The following EYA2 variants were observed in gnomAD, a reference collection of about 807,000 sequenced individuals.
The protein encoded by EYA2 is EYA transcriptional coactivator and phosphatase 2.
EYA2 carries 31 observed loss-of-function variants against 69.2 expected under a neutral mutation model. The ratio of observed to expected loss-of-function variants is 0.45; its 90% CI spans 0.34 to 0.60. The LOEUF is 0.60. Among genes scored for constraint, EYA2 ranks in the 20% least tolerant of loss-of-function variants. The pLI is 0.02. For missense variants in EYA2, 622 were observed against 701.2 expected, an observed-to-expected ratio of 0.89 and a Z score of 1.28; for synonymous variants, 257 against 279.4, an observed-to-expected ratio of 0.92 and a Z score of 0.80.
At chr20:47,106,993 G>C (rs2032601298) in intron 9 of EYA2, among the ~76,000 whole-genome samples, 2 of 152,082 alleles carry the variant, frequency 1.3e-5, no homozygotes, top group African/African-American at 4.8e-5. Context: ...CAGTTGTCAC[G>C]GTGATGGGAG....
intron 5 of EYA2, among the ~76,000 whole-genome samples, chr20:47,061,337 G>A (rs745382767): frequency 5.3e-5 from 8 of 152,028 alleles, no homozygotes; most frequent in South Asian, 2.1e-4. Flanking sequence ...CACCAGCCTC[G>A]GCAATATAGC....
chr20:46,952,452 A>G (rs1300187984), intron 1 of EYA2, among the ~76,000 whole-genome samples: 1 of 152,194 alleles, frequency 6.6e-6, no homozygotes, highest in Non-Finnish European at 1.5e-5. Context: ...TGATGAATCA[A>G]TAGCTTTGGC....
At chr20:47,046,172 AAGAAG>A (rs2030026052) in intron 5 of EYA2, among the ~76,000 whole-genome samples, 1 of 152,198 alleles carries the variant, frequency 6.6e-6, no homozygotes, top group Non-Finnish European at 1.5e-5. Context: ...ACATGGCAGA[AAGAAG>A]AGAGCTTTCT....
intron 5 of EYA2, among the ~76,000 whole-genome samples, chr20:47,063,386 C>CGTATGCGT (rs2030974252): frequency 1.1e-5 from 1 of 93,566 alleles, no homozygotes; most frequent in Admixed American, 1.2e-4. Flanking sequence ...TGTGTGTGTG[C>CGTATGCGT]GTGTGCGTGT....
intron 1 of EYA2, among the ~76,000 whole-genome samples, chr20:46,973,917 A>G (rs770283494): frequency 5.9e-5 from 9 of 152,198 alleles, no homozygotes; most frequent in Non-Finnish European, 1.2e-4. Flanking sequence ...ATTTCGGGGT[A>G]ATGATGTAAT....
chr20:47,160,075 T>C (rs2146630810), intron 10 of EYA2, among the ~76,000 whole-genome samples: 1 of 152,190 alleles, frequency 6.6e-6, no homozygotes, highest in Admixed American at 6.5e-5. Flanking sequence ...AGGGAGGTGA[T>C]ATCCATTGTG....
intron 1 of EYA2, among the ~76,000 whole-genome samples, chr20:46,957,243 T>G (rs1979181688): frequency 6.6e-6 from 1 of 152,220 alleles, no homozygotes; most frequent in Non-Finnish European, 1.5e-5. Context: ...ACTGTACCCC[T>G]TCCTCCTTCT....
intron 5 of EYA2, among the ~76,000 whole-genome samples, chr20:47,063,525 C>T (rs1303529093): frequency 6.6e-6 from 1 of 151,928 alleles, no homozygotes; most frequent in Non-Finnish European, 1.5e-5. Context: ...AGGAAAACCC[C>T]ACCTCTGCAC....
At chr20:47,135,845 ACAAAC>A (rs1568800695) in intron 9 of EYA2, among the ~76,000 whole-genome samples, 2,494 of 78,318 alleles carry the variant, frequency 0.032, 307 homozygotes, top group African/African-American at 0.18. Context: ...AAAAAAACAA[ACAAAC>A]AAACAAAAAA....
At chr20:47,161,228 C>G in intron 10 of EYA2, 4 of 505,466 alleles carry the variant, frequency 7.9e-6, no homozygotes, top group South Asian at 1.8e-5. Context: ...CCAGTAGCCT[C>G]TGCACATGGG....
At chr20:46,897,475 C>T (rs772783245) in intron 1 of EYA2, among the ~76,000 whole-genome samples, 2 of 152,208 alleles carry the variant, frequency 1.3e-5, no homozygotes, top group Non-Finnish European at 1.5e-5. Flanking sequence ...AGACAACTTG[C>T]ATCGGGCGCA....
At chr20:47,010,698 CAAATAT>C (rs940314397) in intron 4 of EYA2, among the ~76,000 whole-genome samples, 15 of 149,284 alleles carry the variant, frequency 1.0e-4, no homozygotes, top group Admixed American at 4.0e-4. Flanking sequence ...TGTATGTGTA[CAAATAT>C]AAATATAATA....
chr20:47,180,596 G>A (rs2034519585), intron 13 of EYA2, among the ~76,000 whole-genome samples: 2 of 152,118 alleles, frequency 1.3e-5, no homozygotes, highest in Admixed American at 6.5e-5. Context: ...TTTTATATAA[G>A]AAAAGTATTC....
chr20:47,116,906 C>T (rs2032909316), intron 9 of EYA2, among the ~76,000 whole-genome samples: 1 of 152,038 alleles, frequency 6.6e-6, no homozygotes, highest in African/African-American at 2.4e-5. Flanking sequence ...AGTCTCCTGG[C>T]TACTGAAGGG....
At chr20:47,047,885 C>T (rs866236134) in intron 5 of EYA2, among the ~76,000 whole-genome samples, 37 of 152,124 alleles carry the variant, frequency 2.4e-4, no homozygotes, top group Middle Eastern at 6.8e-3. Context: ...CCCTGCTGCC[C>T]GCATTCCTTG....
chr20:47,169,488 A>C (rs1476356157), intron 11 of EYA2, among the ~76,000 whole-genome samples: 2 of 152,154 alleles, frequency 1.3e-5, no homozygotes, highest in African/African-American at 4.8e-5. Flanking sequence ...CTCTACTATA[A>C]TAAATAAATG....
intron 5 of EYA2, among the ~76,000 whole-genome samples, chr20:47,067,609 TAAAAA>T (rs997005286): frequency 2.0e-5 from 3 of 151,826 alleles, no homozygotes; most frequent in African/African-American, 7.3e-5. Context: ...ATTTTTAAAT[TAAAAA>T]AAAATTTAAT....
intron 5 of EYA2, among the ~76,000 whole-genome samples, chr20:47,050,944 G>A (rs1201262449): frequency 2.0e-5 from 3 of 152,248 alleles, no homozygotes. Flanking sequence ...GTGATCTTAC[G>A]AGGCATTCGA....
intron 11 of EYA2, among the ~76,000 whole-genome samples, chr20:47,170,413 A>G (rs1004260731): frequency 2.6e-5 from 4 of 151,452 alleles, no homozygotes; most frequent in African/African-American, 4.8e-5. Flanking sequence ...TTGGGAGGCC[A>G]AGGCGCAAGG....
Sources: allele counts gnomAD v4.1 joint callset (sites outside exome capture counted in the v4.1 genomes callset), GRCh38; gene constraint gnomAD v4.1.1; transcripts MANE v1.5; gene names NCBI Gene and HGNC (gene_info 2026-07-23, HGNC 2026-07-21).